Variants in DHX35 observed in about 807,000 individuals in gnomAD.
DHX35 encodes the protein DEAH-box helicase 35.
DHX35 carries 84 observed loss-of-function variants against 99.6 expected under a neutral mutation model. That is an observed-to-expected ratio of 0.84 (90% CI 0.71 to 1.01). The LOEUF (loss-of-function observed/expected upper bound fraction) is 1.01. DHX35 is among the 50% of genes least tolerant of loss of function. The probability of loss-of-function intolerance (pLI) is 0.00; values close to 1 mark genes in which losing one functional copy is unlikely to be tolerated. For missense variants in DHX35, 852 were observed against 888.5 expected, an observed-to-expected ratio of 0.96 and a Z score of 0.52; for synonymous variants, 331 against 316.2, an observed-to-expected ratio of 1.05 and a Z score of -0.50.
At chr20:38,998,066 G>A (rs1353564560) in intron 8 of DHX35, among the ~76,000 whole-genome samples, 1 of 152,268 alleles carries the variant, frequency 6.6e-6, no homozygotes, top group Admixed American at 6.5e-5. Context: ...TGCAGAGCAT[G>A]ATGGGGCTGA....
intron 8 of DHX35, among the ~76,000 whole-genome samples, chr20:38,996,309 T>C (rs1375132391): frequency 6.6e-6 from 1 of 152,220 alleles, no homozygotes; most frequent in Non-Finnish European, 1.5e-5. Context: ...CAGGACTTTG[T>C]CTTATTTTAT....
chr20:38,972,004 GT>G (rs752049458), intron 2 of DHX35, among the ~76,000 whole-genome samples: 1,366 of 81,100 alleles, frequency 0.017, 2 homozygotes, highest in Middle Eastern at 0.045. Flanking sequence ...GTTTTGTTTT[GT>G]TTTTTTTTTT....
chr20:39,036,735 A>C (rs981766334), intron 21 of DHX35, among the ~76,000 whole-genome samples: 3 of 150,570 alleles, frequency 2.0e-5, no homozygotes, highest in African/African-American at 7.3e-5. Context: ...CCAAAAAAAA[A>C]AAAAAAAAAA....
intron 1 of DHX35, among the ~76,000 whole-genome samples, chr20:38,964,911 A>G (rs2085888949): frequency 6.6e-6 from 1 of 152,240 alleles, no homozygotes; most frequent in African/African-American, 2.4e-5. Context: ...GAGACATTTT[A>G]GAGGAAGATG....
chr20:38,978,654 G>A (rs2086120420), intron 3 of DHX35, among the ~76,000 whole-genome samples: 2 of 152,134 alleles, frequency 1.3e-5, no homozygotes, highest in African/African-American at 4.8e-5. Flanking sequence ...TCTTCACTCT[G>A]TTGATTGTTT....
chr20:39,034,425 G>T (rs1278490591), intron 21 of DHX35, 108 bp downstream of exon 21: 4 of 856,712 alleles, frequency 4.7e-6, no homozygotes, highest in Non-Finnish European at 7.5e-6. Context: ...TCCCCCTAGG[G>T]GTGCATAGGG....
intron 15 of DHX35, among the ~76,000 whole-genome samples, chr20:39,019,178 C>T (rs867769599): frequency 6.6e-6 from 1 of 152,130 alleles, no homozygotes; most frequent in African/African-American, 2.4e-5. Context: ...TCCTTATTCT[C>T]TCCTCTGCCC....
chr20:39,010,141 T>C lies in DHX35; in HGVS notation c.1223-139T>C, dbSNP rs955590996. 4 of 1,080,238 alleles carry C rather than the reference T, an allele frequency of 3.7e-6. No individual in the cohort carries two copies. In the African/African-American group the frequency reaches 6.4e-5, roughly 17 times the overall value. The allele number at this position is 1,080,238 out of a possible 1,614,324, so 66.9% of individuals were successfully genotyped here. A position where few individuals can be genotyped will look rare whatever the true frequency, so the allele number is the denominator to read the frequency against. On this transcript the variant is annotated intron_variant, in intron 12 of 21. Transcript: ENST00000252011. ...TTTCCTAAGTATAAAAATAACTTTA[T>C]ATCATGGTATCATGTGCATCTGCTT...
At chr20:38,996,345 C>T (rs1164246867) in intron 8 of DHX35, among the ~76,000 whole-genome samples, 1 of 152,182 alleles carries the variant, frequency 6.6e-6, no homozygotes, top group East Asian at 1.9e-4. Flanking sequence ...CAATGTCTAG[C>T]ACAGAGTAGG....
intron 4 of DHX35, among the ~76,000 whole-genome samples, chr20:38,984,154 C>T (rs1276625158): frequency 1.3e-5 from 2 of 152,144 alleles, no homozygotes; most frequent in East Asian, 3.9e-4. Flanking sequence ...TTGTGATCTG[C>T]CTGCCTCAGC....
At chr20:38,975,591 T>G (rs1046265200) in intron 3 of DHX35, among the ~76,000 whole-genome samples, 3 of 152,184 alleles carry the variant, frequency 2.0e-5, no homozygotes, top group African/African-American at 7.2e-5. Flanking sequence ...CAGAATTGTT[T>G]GGGAATTAGT....
intron 2 of DHX35, among the ~76,000 whole-genome samples, chr20:38,970,735 T>C (rs1282877437): frequency 3.9e-5 from 6 of 152,140 alleles, no homozygotes; most frequent in Non-Finnish European, 7.3e-5. Context: ...TAGTAAATGC[T>C]CAAGTACAAG....
chr20:39,012,258 GAA>G (rs1232410114), intron 13 of DHX35, among the ~76,000 whole-genome samples: 3 of 151,888 alleles, frequency 2.0e-5, no homozygotes, highest in Non-Finnish European at 4.4e-5. Flanking sequence ...TAAAAAAAAA[GAA>G]AAGATAAACA....
In DHX35 at chr20:39,028,471, G is replaced by T. The variant is rs749680615; in HGVS notation, c.1855G>T (p.Ala619Ser). The T allele has an allele frequency of 6.2e-7, 1 of 1,614,110 alleles. No homozygotes were observed. Among genetic ancestry groups the T allele is most frequent in the African/African-American group, 1.3e-5 (1 of 74,936 alleles). ...CIVSGFFANA[A>S]RFHSTGAYRT... ...TGTCTCCGGCTTCTTCGCCAATGCA[G>T]CGAGGTTTCATTCTACTGGAGCTTA... Residue 619 changes from alanine (A) to serine (S), a missense_variant, in exon 19 of 22, where the codon GCG becomes TCG. Transcript: ENST00000252011.
chr20:38,971,242 T>C (rs990957867), intron 2 of DHX35, among the ~76,000 whole-genome samples: 1 of 152,050 alleles, frequency 6.6e-6, no homozygotes, highest in African/African-American at 2.4e-5. Flanking sequence ...TAATCCCAGC[T>C]ACTTGGGAGG....
intron 14 of DHX35, among the ~76,000 whole-genome samples, chr20:39,018,519 C>T (rs1264785738): frequency 6.6e-6 from 1 of 151,634 alleles, no homozygotes; most frequent in African/African-American, 2.4e-5. Context: ...AGGGTACAAG[C>T]AGGAGAAGGC....
At chr20:38,962,442 C>G in intron 1 of DHX35, 35 bp downstream of exon 1, 1 of 1,606,872 alleles carries the variant, frequency 6.2e-7, no homozygotes, top group Non-Finnish European at 8.5e-7. Context: ...GCAGATGCGG[C>G]GGCCTGACTT....
chr20:38,986,859 A>G (rs1317111948), intron 4 of DHX35, among the ~76,000 whole-genome samples: 1 of 152,216 alleles, frequency 6.6e-6, no homozygotes, highest in Non-Finnish European at 1.5e-5. Context: ...TATAATTTCA[A>G]GTCACCAGGC....
intron 15 of DHX35, among the ~76,000 whole-genome samples, chr20:39,021,041 G>C (rs186320123): frequency 6.6e-6 from 1 of 152,314 alleles, no homozygotes; most frequent in South Asian, 2.1e-4. Context: ...GGGACGAGCA[G>C]TGTAGTGTAC....
Sources: allele counts gnomAD v4.1 joint callset (sites outside exome capture counted in the v4.1 genomes callset), GRCh38; gene constraint gnomAD v4.1.1; transcripts MANE v1.5; gene names NCBI Gene and HGNC (gene_info 2026-07-23, HGNC 2026-07-21).